The following PAAF1 variants were observed in gnomAD, a reference collection of about 807,000 sequenced individuals.
The protein encoded by PAAF1 is proteasomal ATPase associated factor 1, also known as proteasomal ATPase-associated factor 1.
Under a neutral mutation model 52.8 loss-of-function variants are expected in PAAF1, and 46 were observed. The observed-to-expected ratio is 0.87, with a 90% confidence interval of 0.69 to 1.11. PAAF1 has a LOEUF of 1.11. Ranked by LOEUF, PAAF1 falls within the 50% of genes most tolerant of loss-of-function variation. PAAF1 has a pLI of 0.00. For synonymous variants in PAAF1, 178 were observed against 172.8 expected, an observed-to-expected ratio of 1.03 and a Z score of -0.24; for missense variants, 424 against 477.4, an observed-to-expected ratio of 0.89 and a Z score of 1.04.
intron 8 of PAAF1, among the ~76,000 whole-genome samples, chr11:73,914,794 A>G (rs1412207455): frequency 2.1e-5 from 3 of 144,972 alleles, no homozygotes; most frequent in Non-Finnish European, 4.5e-5. Context: ...TGCAACCTCC[A>G]CCTCCTAGGT....
intron 4 of PAAF1, among the ~76,000 whole-genome samples, chr11:73,893,379 AAATT>A (rs1949248618): frequency 1.3e-5 from 2 of 152,300 alleles, no homozygotes; most frequent in South Asian, 4.1e-4. Context: ...GAAATTATAT[AAATT>A]AATTAAATCT....
At chr11:73,915,734 C>G (rs1950044220) in intron 8 of PAAF1, among the ~76,000 whole-genome samples, 1 of 152,194 alleles carries the variant, frequency 6.6e-6, no homozygotes, top group African/African-American at 2.4e-5. Context: ...TCTCTCTTCC[C>G]AGAGATTAGA....
chr11:73,924,306 C>T (rs1168770942), intron 10 of PAAF1, among the ~76,000 whole-genome samples: 4 of 151,814 alleles, frequency 2.6e-5, no homozygotes, highest in Admixed American at 6.6e-5. Context: ...ATTAGCCAGG[C>T]GTGGTGGTGG....
At chr11:73,909,616 C>A in intron 7 of PAAF1, 23 bp downstream of exon 7, 1 of 1,606,254 alleles carries the variant, frequency 6.2e-7, no homozygotes, top group Non-Finnish European at 8.5e-7. Context: ...TGATATGTAG[C>A]ATTGTTTTAT....
intron 10 of PAAF1, among the ~76,000 whole-genome samples, chr11:73,923,790 T>C (rs967374978): frequency 6.6e-6 from 1 of 152,198 alleles, no homozygotes; most frequent in African/African-American, 2.4e-5. Context: ...ATTCATTTGT[T>C]TCATTTGTCC....
At chr11:73,914,592 G>T (rs1950014352) in intron 8 of PAAF1, 88 bp downstream of exon 8, 2 of 1,064,246 alleles carry the variant, frequency 1.9e-6, no homozygotes. Flanking sequence ...ATTTCTACTT[G>T]CTCCCTGTGT....
chr11:73,898,569 C>T (rs1385935419), intron 4 of PAAF1, among the ~76,000 whole-genome samples: 1 of 152,098 alleles, frequency 6.6e-6, no homozygotes, highest in Non-Finnish European at 1.5e-5. Context: ...ATAATCCCAG[C>T]ACTCTGGGAG....
intron 3 of PAAF1, among the ~76,000 whole-genome samples, chr11:73,888,045 A>G (rs183362420): frequency 1.3e-5 from 2 of 152,236 alleles, no homozygotes; most frequent in East Asian, 3.9e-4. Context: ...ACCATGCCCA[A>G]GCGAAATTGA....
At chr11:73,890,146 C>T (rs1341635840) in intron 3 of PAAF1, among the ~76,000 whole-genome samples, 6 of 152,216 alleles carry the variant, frequency 3.9e-5, no homozygotes, top group Middle Eastern at 3.4e-3. Flanking sequence ...TTGGTGAGTG[C>T]AGCTCCTCAG....
chr11:73,899,229 C>T lies in PAAF1; in HGVS notation c.366C>T (p.Ser122=). ...TDGTMKIWQA[S]NGELRRVLEG... ...GGACCATGAAAATCTGGCAGGCTTC[C>T]AATGGAGAACTCAGGGTAAAGGATT... Residue 122 remains serine, a synonymous_variant, in exon 5 of 12, where the codon TCC becomes TCT. Transcript: ENST00000310571. 1 of 1,613,710 alleles carries T rather than the reference C, an allele frequency of 6.2e-7. No homozygotes were observed. The highest frequency in any genetic ancestry group is 1.3e-5 in the African/African-American group (1 of 74,958).
chr11:73,917,592 C>T (rs1950101140), intron 9 of PAAF1, among the ~76,000 whole-genome samples: 1 of 152,202 alleles, frequency 6.6e-6, no homozygotes, highest in South Asian at 2.1e-4. Context: ...AGGCTCTGGG[C>T]TGGGCGTGGT....
chr11:73,914,415 G>GTTCC lies in PAAF1; in HGVS notation c.730_731insTTCC (p.Glu244ValfsTer19). On this transcript the variant is annotated frameshift_variant, in exon 8 of 12. Transcript: ENST00000310571. LOFTEE classifies it high-confidence loss of function. ...AACATAGTTTATTTGTCATGCAGGT[G>GTTCC]AACGGGAGGTTGGAACAGAGGCCAA... 1 of 1,613,948 alleles carries GTTCC rather than the reference G, an allele frequency of 6.2e-7. No homozygotes were observed. Among genetic ancestry groups the GTTCC allele is most frequent in the Non-Finnish European group, 8.5e-7 (1 of 1,179,898 alleles).
At chr11:73,878,702 C>A (rs1948813069) in intron 1 of PAAF1, 77 bp from the exon 2 acceptor site, 4 of 1,372,476 alleles carry the variant, frequency 2.9e-6, no homozygotes, top group Non-Finnish European at 4.1e-6. Flanking sequence ...GTTACATGAC[C>A]TTCTTTCTTC....
At position 73,899,185 on chromosome 11, in the gene PAAF1, G is replaced by C. The variant is rs373155061; in HGVS notation, c.322G>C (p.Val108Leu). ...LDISSRGGLG[V>L]SSSTDGTMKI... ...CATTTCCAGCAGAGGAGGTCTTGGTGTGTCTTCTAGTACTGACGGGACCAT... is the reference window on the plus strand; with the variant it reads ...CATTTCCAGCAGAGGAGGTCTTGGTCTGTCTTCTAGTACTGACGGGACCAT... The change falls in exon 5 of 12, where the codon GTG (valine) becomes CTG (leucine). Residue 108 changes from valine to leucine, a missense_variant. Coordinates refer to ENST00000310571, the MANE Select transcript of PAAF1 (RefSeq NM_025155.3). The C allele has an allele frequency of 2.5e-6, 4 of 1,613,970 alleles. No individual in the cohort carries two copies. In the African/African-American group the frequency reaches 5.3e-5, roughly 22 times the overall value.
intron 1 of PAAF1, among the ~76,000 whole-genome samples, chr11:73,877,589 A>G (rs753672835): frequency 1.3e-5 from 2 of 152,212 alleles, no homozygotes; most frequent in African/African-American, 4.8e-5. Flanking sequence ...CTGCTCTTCA[A>G]GAAGCTGACA....
rs190592980 is a variant in PAAF1, at chr11:73,895,932, C to G, written c.283-3214C>G. ...GACCACCCTGGGCAACATAGGGGGA[C>G]CCCATCTCTCCAAAAAAAAGTTAAA... On this transcript the variant is annotated intron_variant, in intron 4 of 11. Coordinates refer to ENST00000310571, the MANE Select transcript of PAAF1 (RefSeq NM_025155.3). Among the ~76,000 whole-genome samples, 4 of 152,240 alleles carry G rather than the reference C, an allele frequency of 2.6e-5. No homozygotes were observed. In the East Asian group the frequency reaches 7.7e-4, roughly 29 times the overall value.
chr11:73,883,672 A>G (rs1272184698), intron 2 of PAAF1, among the ~76,000 whole-genome samples: 1 of 151,666 alleles, frequency 6.6e-6, no homozygotes, highest in Admixed American at 6.6e-5. Context: ...GCCTGCCACC[A>G]CACCCGGGTA....
chr11:73,903,875 G>A (rs1453194038), intron 6 of PAAF1, among the ~76,000 whole-genome samples: 5 of 151,926 alleles, frequency 3.3e-5, no homozygotes, highest in African/African-American at 1.2e-4. Flanking sequence ...CCTGAGGTCA[G>A]GAGTTCAAAA....
intron 4 of PAAF1, among the ~76,000 whole-genome samples, chr11:73,892,990 G>A (rs1949239765): frequency 6.6e-6 from 1 of 152,072 alleles, no homozygotes; most frequent in Admixed American, 6.6e-5. Flanking sequence ...TTAATTATAT[G>A]TCCATTATTC....
Sources: gnomAD v4.1 joint callset for allele counts (sites outside exome capture counted in the v4.1 genomes callset) on GRCh38, gnomAD v4.1.1 for gene constraint, MANE v1.5 for transcripts, NCBI Gene and HGNC (gene_info 2026-07-23, HGNC 2026-07-21) for gene names.